CADM2: variants seen among roughly 807,000 people sequenced by gnomAD.
CADM2 encodes immunoglobulin superfamily member 4D.
Under a neutral mutation model 49.8 loss-of-function variants are expected in CADM2, and 12 were observed. The observed-to-expected ratio is 0.24, with a 90% CI of 0.15 to 0.39. The LOEUF is 0.39. Among genes scored for constraint, CADM2 ranks in the 10% least tolerant of loss-of-function variants. The pLI is 1.00. For synonymous variants in CADM2, 214 were observed against 175.4 expected (o/e 1.22, Z -1.74); for missense variants, 378 against 492.3 (o/e 0.77, Z 2.20).
chr3:85,045,378 T>C (rs1371474709), intron 1 of CADM2, among the ~76,000 whole-genome samples: 2 of 152,110 alleles, frequency 1.3e-5, no homozygotes, highest in African/African-American at 2.4e-5. Context: ...ATGTGTCCAG[T>C]TTTTGGTCTA....
At chr3:85,444,418 T>A (rs754911267) in intron 1 of CADM2, among the ~76,000 whole-genome samples, 3 of 148,420 alleles carry the variant, frequency 2.0e-5, no homozygotes, top group Non-Finnish European at 4.5e-5. Flanking sequence ...GTTTAGTAAC[T>A]GGCTTCTTGT....
chr3:85,804,347 ATAC>A (rs1269402141), intron 3 of CADM2, among the ~76,000 whole-genome samples: 6 of 152,206 alleles, frequency 3.9e-5, no homozygotes, highest in Admixed American at 1.3e-4. Context: ...TAATTTATAA[ATAC>A]TACTTTTTTC....
chr3:85,967,830 A>G (rs1262812728), intron 8 of CADM2, among the ~76,000 whole-genome samples: 2 of 151,572 alleles, frequency 1.3e-5, no homozygotes, highest in Non-Finnish European at 3.0e-5. Context: ...TCTAGCTCGT[A>G]TGGGTGGCTG....
At chr3:85,684,169 T>C (rs1300488983) in intron 1 of CADM2, among the ~76,000 whole-genome samples, 1 of 152,184 alleles carries the variant, frequency 6.6e-6, no homozygotes, top group Non-Finnish European at 1.5e-5. Context: ...TACATTATTA[T>C]AAATTATGCT....
intron 1 of CADM2, among the ~76,000 whole-genome samples, chr3:85,101,856 C>T (rs79833934): frequency 0.048 from 7,328 of 152,114 alleles, 254 homozygotes; most frequent in East Asian, 0.14. Flanking sequence ...TACTTAAGAA[C>T]GTAGATGAAA....
At chr3:85,668,176 A>G (rs557630338) in intron 1 of CADM2, among the ~76,000 whole-genome samples, 31 of 151,642 alleles carry the variant, frequency 2.0e-4, no homozygotes, top group Non-Finnish European at 3.5e-4. Context: ...GCCCTTTCCT[A>G]TCTGCTCATC....
rs552903600 is a variant in CADM2, at chr3:84,959,551, G to C, written c.-57G>C. On this transcript the variant is annotated 5_prime_UTR_variant, in exon 1 of 10. Transcript: ENST00000383699. ...GCGGAGCCCTGCACTCTCGTGCCCC[G>C]CTCACCAGCATCTACTTGCCCCCTC... 557 of 1,486,338 alleles carry C rather than the reference G, an allele frequency of 3.7e-4. 15 individuals carry two copies. The South Asian group carries it at 6.5e-3, about 17-fold the overall frequency. 92.1% of individuals were successfully genotyped at this position (1,486,338 alleles called of 1,614,324 possible).
chr3:85,772,826 A>T (rs1030693451), intron 2 of CADM2, among the ~76,000 whole-genome samples: 10 of 151,166 alleles, frequency 6.6e-5, no homozygotes, highest in Non-Finnish European at 1.0e-4. Context: ...ACAGCTGCTG[A>T]GAGCAGCCTT....
chr3:85,127,232 A>C (rs1040421923), intron 1 of CADM2, among the ~76,000 whole-genome samples: 1 of 152,336 alleles, frequency 6.6e-6, no homozygotes, highest in South Asian at 2.1e-4. Context: ...AAATATATTT[A>C]TATGTATTAA....
chr3:85,637,843 G>C (rs1483328767), intron 1 of CADM2, among the ~76,000 whole-genome samples: 1 of 151,734 alleles, frequency 6.6e-6, no homozygotes, highest in Non-Finnish European at 1.5e-5. Context: ...AATATATGAG[G>C]GAAGACAAAT....
intron 1 of CADM2, among the ~76,000 whole-genome samples, chr3:85,447,009 T>C (rs2037496686): frequency 7.4e-6 from 1 of 135,596 alleles, no homozygotes; most frequent in African/African-American, 2.8e-5. Context: ...TATATATATA[T>C]ATATATATAT....
intron 8 of CADM2, among the ~76,000 whole-genome samples, chr3:85,976,497 A>G (rs1339690636): frequency 1.3e-5 from 2 of 151,620 alleles, no homozygotes; most frequent in East Asian, 1.9e-4. Flanking sequence ...AACTTTTACT[A>G]TTTCACAATA....
chr3:85,377,405 G>A (rs1318027739), intron 1 of CADM2, among the ~76,000 whole-genome samples: 1 of 152,020 alleles, frequency 6.6e-6, no homozygotes, highest in Non-Finnish European at 1.5e-5. Context: ...GGAAGTTGAT[G>A]AGCTTTCTGA....
intron 1 of CADM2, among the ~76,000 whole-genome samples, chr3:85,382,093 A>T (rs1576454248): frequency 6.6e-6 from 1 of 152,114 alleles, no homozygotes; most frequent in African/African-American, 2.4e-5. Context: ...TAATTATTGT[A>T]TAATTGTACA....
At chr3:85,563,409 T>TGTGGGG (rs1553742849) in intron 1 of CADM2, among the ~76,000 whole-genome samples, 54 of 81,456 alleles carry the variant, frequency 6.6e-4, no homozygotes, top group African/African-American at 1.5e-3. Context: ...TTTGTGTGTG[T>TGTGGGG]GTGGGGGGGT....
intron 1 of CADM2, among the ~76,000 whole-genome samples, chr3:85,686,706 C>T (rs2066227434): frequency 6.6e-6 from 1 of 152,150 alleles, no homozygotes; most frequent in Non-Finnish European, 1.5e-5. Flanking sequence ...AACCTGGGAA[C>T]TACTTAGGGC....
At chr3:85,150,845 G>A (rs1003590348) in intron 1 of CADM2, among the ~76,000 whole-genome samples, 1 of 151,832 alleles carries the variant, frequency 6.6e-6, no homozygotes, top group Non-Finnish European at 1.5e-5. Context: ...AGAGGCAGAG[G>A]TTGCAGTGAG....
intron 1 of CADM2, among the ~76,000 whole-genome samples, chr3:85,364,060 GC>G (rs2032561753): frequency 6.6e-6 from 1 of 152,088 alleles, no homozygotes; most frequent in African/African-American, 2.4e-5. Context: ...TTGGGGCCTA[GC>G]TATAACCCCT....
intron 1 of CADM2, among the ~76,000 whole-genome samples, chr3:85,662,160 C>T (rs957152912): frequency 2.0e-5 from 3 of 150,848 alleles, no homozygotes; most frequent in African/African-American, 7.3e-5. Flanking sequence ...GGATTTGGTA[C>T]ATGTTTGTTT....
Sources: gnomAD v4.1 joint callset for allele counts (sites outside exome capture counted in the v4.1 genomes callset) on GRCh38, gnomAD v4.1.1 for gene constraint, MANE v1.5 for transcripts, NCBI Gene and HGNC (gene_info 2026-07-23, HGNC 2026-07-21) for gene names.